The following RANBP17 variants were observed in gnomAD, a reference collection of about 807,000 sequenced individuals.
RANBP17 encodes the protein RAN binding protein 17, also known as ran-binding protein 17.
Under a neutral mutation model 141.2 loss-of-function variants are expected in RANBP17, and 158 were observed. That is an observed-to-expected ratio of 1.12 (90% CI 0.98 to 1.28). The LOEUF (loss-of-function observed/expected upper bound fraction) is 1.28, where lower values mean the gene tolerates loss of function less well. Among genes scored for constraint, RANBP17 ranks in the 50% most tolerant of loss-of-function variants. RANBP17 has a pLI of 0.00. For synonymous variants in RANBP17, 430 were observed against 450.0 expected, an observed-to-expected ratio of 0.96 and a Z score of 0.56; for missense variants, 1,438 against 1,290.7, an observed-to-expected ratio of 1.11 and a Z score of -1.75.
chr5:171,218,854 A>C (rs1053893744), intron 21 of RANBP17, among the ~76,000 whole-genome samples: 1 of 151,852 alleles, frequency 6.6e-6, no homozygotes, highest in African/African-American at 2.4e-5. Context: ...CTCTTTATCC[A>C]AGTTGCCTTC....
At chr5:171,101,958 T>C (rs1248215628) in intron 14 of RANBP17, among the ~76,000 whole-genome samples, 1 of 152,168 alleles carries the variant, frequency 6.6e-6, no homozygotes, top group Admixed American at 6.5e-5. Context: ...TCTGCAGAGA[T>C]CCACTGTTAG....
intron 12 of RANBP17, among the ~76,000 whole-genome samples, chr5:170,945,228 C>G (rs1337262301): frequency 6.6e-6 from 1 of 152,064 alleles, no homozygotes; most frequent in Non-Finnish European, 1.5e-5. Context: ...TGTAATAAGC[C>G]TCTTTGGTAG....
chr5:171,241,246 T>A, intron 23 of RANBP17, 104 bp downstream of exon 23: 1 of 851,038 alleles, frequency 1.2e-6, no homozygotes, highest in Non-Finnish European at 1.8e-6. Context: ...CCTAGAACAT[T>A]TTATGTTTTA....
chr5:171,142,178 A>G (rs1378092859), intron 14 of RANBP17, among the ~76,000 whole-genome samples: 3 of 152,074 alleles, frequency 2.0e-5, no homozygotes. Flanking sequence ...TAGAGCTTCC[A>G]TTTTTTTGTC....
At chr5:171,281,782 A>T (rs1418773901) in intron 25 of RANBP17, among the ~76,000 whole-genome samples, 4 of 152,252 alleles carry the variant, frequency 2.6e-5, no homozygotes, top group Non-Finnish European at 5.9e-5. Context: ...CTTGAAATAT[A>T]CACAGGTGAA....
At chr5:171,235,904 ATTTTT>A (rs1764513290) in intron 22 of RANBP17, among the ~76,000 whole-genome samples, 1 of 152,174 alleles carries the variant, frequency 6.6e-6, no homozygotes, top group Non-Finnish European at 1.5e-5. Context: ...TTTTTAAAAT[ATTTTT>A]AATAAGTGTC....
chr5:171,126,807 G>A (rs1756504100), intron 14 of RANBP17, among the ~76,000 whole-genome samples: 1 of 152,088 alleles, frequency 6.6e-6, no homozygotes, highest in Non-Finnish European at 1.5e-5. Flanking sequence ...CCAATAACAA[G>A]TAACAAGACT....
At chr5:171,016,787 C>G (rs1554158121) in intron 14 of RANBP17, among the ~76,000 whole-genome samples, 1 of 150,992 alleles carries the variant, frequency 6.6e-6, no homozygotes, top group Admixed American at 6.6e-5. Context: ...TTTATGTCTT[C>G]TTTAAAAAAA....
At chr5:170,967,256 A>T (rs1007818525) in intron 13 of RANBP17, among the ~76,000 whole-genome samples, 2 of 152,122 alleles carry the variant, frequency 1.3e-5, no homozygotes, top group African/African-American at 2.4e-5. Context: ...TTGCCTGTAC[A>T]TACATAAAAC....
At chr5:171,148,437 T>C (rs1758227757) in intron 14 of RANBP17, among the ~76,000 whole-genome samples, 1 of 152,158 alleles carries the variant, frequency 6.6e-6, no homozygotes, top group Non-Finnish European at 1.5e-5. Flanking sequence ...TAAATGACTT[T>C]AATTAATAGA....
At chr5:171,099,955 A>T (rs991346828) in intron 14 of RANBP17, among the ~76,000 whole-genome samples, 9 of 152,194 alleles carry the variant, frequency 5.9e-5, no homozygotes, top group Admixed American at 3.3e-4. Flanking sequence ...GATGAAGCTG[A>T]CTTGATCGTG....
intron 14 of RANBP17, among the ~76,000 whole-genome samples, chr5:171,105,198 C>T (rs532562202): frequency 4.7e-5 from 7 of 150,118 alleles, no homozygotes; most frequent in African/African-American, 7.3e-5. Flanking sequence ...CCGGCTAAAA[C>T]GGTGAAACCC....
intron 21 of RANBP17, among the ~76,000 whole-genome samples, chr5:171,215,510 A>G (rs753030148): frequency 2.0e-5 from 3 of 152,002 alleles, no homozygotes; most frequent in Non-Finnish European, 4.4e-5. Flanking sequence ...ACTAGTTTAC[A>G]CTCCCACCAA....
At chr5:171,133,774 A>G (rs952156591) in intron 14 of RANBP17, among the ~76,000 whole-genome samples, 3 of 152,232 alleles carry the variant, frequency 2.0e-5, no homozygotes, top group African/African-American at 7.2e-5. Flanking sequence ...TGATTTCCCA[A>G]ACATTGGAGT....
intron 14 of RANBP17, among the ~76,000 whole-genome samples, chr5:171,089,313 C>A (rs12521442): frequency 0.017 from 1,814 of 107,682 alleles, 75 homozygotes; most frequent in African/African-American, 0.053. Context: ...GCAGTCTGCC[C>A]GTTCTCAGAT....
intron 13 of RANBP17, among the ~76,000 whole-genome samples, chr5:170,958,815 A>G (rs547146353): frequency 6.6e-6 from 1 of 152,276 alleles, no homozygotes; most frequent in Admixed American, 6.5e-5. Flanking sequence ...TAGCAAATAA[A>G]TATATTTACA....
intron 14 of RANBP17, among the ~76,000 whole-genome samples, chr5:171,147,628 C>A (rs1194613349): frequency 6.6e-6 from 1 of 152,054 alleles, no homozygotes; most frequent in Non-Finnish European, 1.5e-5. Flanking sequence ...TTTGGCCAGG[C>A]TAGTCTTGAA....
chr5:171,157,346 G>A (rs79541233), intron 14 of RANBP17, among the ~76,000 whole-genome samples: 17 of 152,206 alleles, frequency 1.1e-4, no homozygotes, highest in African/African-American at 2.6e-4. Flanking sequence ...TTTTACACCC[G>A]GCAAGATTAT....
At chr5:171,286,934 T>TTTTG (rs1171316886) in intron 25 of RANBP17, among the ~76,000 whole-genome samples, 1 of 152,180 alleles carries the variant, frequency 6.6e-6, no homozygotes, top group South Asian at 2.1e-4. Flanking sequence ...CAATCATGTT[T>TTTTG]TTTGTTTGTT....
Sources: allele counts gnomAD v4.1 joint callset (sites outside exome capture counted in the v4.1 genomes callset), GRCh38; gene constraint gnomAD v4.1.1; transcripts MANE v1.5; gene names NCBI Gene and HGNC (gene_info 2026-07-23, HGNC 2026-07-21).